Variants in RSU1 observed in about 807,000 individuals in gnomAD.
RSU1 encodes the protein rsu-1.
A neutral mutation model predicts 31.1 loss-of-function variants in RSU1; 26 were observed. The ratio of observed to expected loss-of-function variants is 0.84; its 90% confidence interval spans 0.61 to 1.16. The LOEUF is 1.16. RSU1 is among the 50% of genes most tolerant of loss of function. The probability of loss-of-function intolerance (pLI) is 0.00; values close to 1 mark genes in which losing one functional copy is unlikely to be tolerated. For synonymous variants in RSU1, 164 were observed against 136.3 expected (o/e 1.20, Z -1.41); for missense variants, 320 against 339.1 (o/e 0.94, Z 0.44).
At chr10:16,747,846 A>G (rs71493267) in intron 7 of RSU1, among the ~76,000 whole-genome samples, 1,566 of 152,186 alleles carry the variant, frequency 0.01, 15 homozygotes, top group South Asian at 0.023. Context: ...TAGCCTGGGC[A>G]ATACAGCAAC....
At position 16,817,001 on chromosome 10, in the gene RSU1, G is replaced by A; in HGVS notation, c.81C>T (p.Ile27=). Residue 27 remains isoleucine, a synonymous_variant, in exon 2 of 9, where the codon ATC becomes ATT. Coordinates refer to ENST00000345264, the MANE Select transcript of RSU1 (RefSeq NM_012425.4). ...GGCCGTTGACATCCAGCATGTTGGA[G>A]ATGCCCCGGTCACTCATGTCCACCT... The part of the protein sequence containing the change: ...QPEVDMSDRG[I]SNMLDVNGLF... The A allele has an allele frequency of 1.9e-6, 3 of 1,613,980 alleles. No individual in the cohort carries two copies. Among genetic ancestry groups the A allele is most frequent in the Non-Finnish European group, 1.7e-6 (2 of 1,179,800 alleles).
At chr10:16,754,157 C>G (rs190884631) in intron 5 of RSU1, among the ~76,000 whole-genome samples, 5 of 152,296 alleles carry the variant, frequency 3.3e-5, no homozygotes, top group Non-Finnish European at 7.4e-5. Flanking sequence ...TTTTAGAGAT[C>G]AGCTCTGAAA....
intron 8 of RSU1, among the ~76,000 whole-genome samples, chr10:16,613,763 G>T (rs1322431574): frequency 6.7e-6 from 1 of 150,236 alleles, no homozygotes; most frequent in East Asian, 1.9e-4. Flanking sequence ...GAGAAAAGCT[G>T]AGAAGAAACT....
At chr10:16,793,694 C>A (rs1424046502) in intron 2 of RSU1, among the ~76,000 whole-genome samples, 1 of 152,094 alleles carries the variant, frequency 6.6e-6, no homozygotes, top group Non-Finnish European at 1.5e-5. Flanking sequence ...AGCTACTCTG[C>A]AAGCCACTGT....
intron 2 of RSU1, among the ~76,000 whole-genome samples, chr10:16,782,946 T>C (rs1355881711): frequency 6.6e-6 from 1 of 151,696 alleles, no homozygotes; most frequent in Non-Finnish European, 1.5e-5. Context: ...GGTCTCAATC[T>C]GTTGCCCAGG....
At chr10:16,793,393 CA>C (rs1299935612) in intron 2 of RSU1, among the ~76,000 whole-genome samples, 2 of 152,094 alleles carry the variant, frequency 1.3e-5, no homozygotes, top group Non-Finnish European at 2.9e-5. Context: ...TGTTTCTACA[CA>C]TAATAGCAGC....
At chr10:16,650,594 T>G (rs1416190094) in intron 8 of RSU1, among the ~76,000 whole-genome samples, 2 of 149,840 alleles carry the variant, frequency 1.3e-5, no homozygotes, top group African/African-American at 2.5e-5. Flanking sequence ...TTTTTTTTTT[T>G]TGTGAGACAG....
intron 7 of RSU1, among the ~76,000 whole-genome samples, chr10:16,738,847 T>G (rs1836690808): frequency 6.6e-6 from 1 of 151,156 alleles, no homozygotes; most frequent in East Asian, 2.0e-4. Flanking sequence ...GTCCTAATGC[T>G]CTCCCTCTCC....
At chr10:16,617,330 A>G (rs1427763931) in intron 8 of RSU1, among the ~76,000 whole-genome samples, 1 of 152,212 alleles carries the variant, frequency 6.6e-6, no homozygotes, top group Non-Finnish European at 1.5e-5. Flanking sequence ...TCAAGAAAAT[A>G]AGAGAGGACA....
chr10:16,714,353 A>G (rs1041237760), intron 7 of RSU1, among the ~76,000 whole-genome samples: 1 of 152,210 alleles, frequency 6.6e-6, no homozygotes, highest in Non-Finnish European at 1.5e-5. Context: ...GGGGTTGGGC[A>G]GCCTTGCAGT....
chr10:16,708,983 T>C (rs1035444583), intron 7 of RSU1, among the ~76,000 whole-genome samples: 2 of 152,052 alleles, frequency 1.3e-5, no homozygotes, highest in Non-Finnish European at 2.9e-5. Context: ...ACCAGTTCTT[T>C]AGTAGAGTCC....
At chr10:16,785,995 A>G (rs948855075) in intron 2 of RSU1, among the ~76,000 whole-genome samples, 1 of 152,146 alleles carries the variant, frequency 6.6e-6, no homozygotes, top group African/African-American at 2.4e-5. Flanking sequence ...ATATCTGACA[A>G]TGTCTGGAGA....
chr10:16,614,453 G>C (rs997443497), intron 8 of RSU1, among the ~76,000 whole-genome samples: 1 of 151,802 alleles, frequency 6.6e-6, no homozygotes, highest in Admixed American at 6.6e-5. Flanking sequence ...AGGCACTATA[G>C]TCCCCCCACC....
intron 8 of RSU1, among the ~76,000 whole-genome samples, chr10:16,651,221 G>C (rs1392448006): frequency 2.6e-5 from 4 of 152,130 alleles, no homozygotes; most frequent in Non-Finnish European, 4.4e-5. Flanking sequence ...ATACAGGATT[G>C]AATCAATGAT....
chr10:16,637,743 T>C (rs543057890), intron 8 of RSU1, among the ~76,000 whole-genome samples: 24 of 151,868 alleles, frequency 1.6e-4, no homozygotes, highest in African/African-American at 5.8e-4. Flanking sequence ...TAAACATGAC[T>C]AGTAAAGCCA....
intron 8 of RSU1, among the ~76,000 whole-genome samples, chr10:16,597,612 C>T (rs1833639512): frequency 1.3e-5 from 2 of 152,158 alleles, no homozygotes; most frequent in African/African-American, 4.8e-5. Context: ...TGGAAGCAGT[C>T]AGCGAATGCT....
At chr10:16,763,662 C>A (rs1435452472) in intron 4 of RSU1, among the ~76,000 whole-genome samples, 1 of 152,144 alleles carries the variant, frequency 6.6e-6, no homozygotes, top group Non-Finnish European at 1.5e-5. Flanking sequence ...GACCCAGAAC[C>A]ATCTTCCCAG....
intron 8 of RSU1, among the ~76,000 whole-genome samples, chr10:16,646,980 CTT>C (rs1007212635): frequency 2.8e-5 from 4 of 144,058 alleles, no homozygotes; most frequent in Admixed American, 1.4e-4. Context: ...GGTACTGCAA[CTT>C]TTTTTTTTTT....
chr10:16,785,513 T>TATATATATATATATACACACATATATAC (rs1564357401), intron 2 of RSU1, among the ~76,000 whole-genome samples: 4 of 121,836 alleles, frequency 3.3e-5, no homozygotes, highest in African/African-American at 1.4e-4. Context: ...CATATATACA[T>TATATATATATATATACACACATATATAC]ATATATATAT....
Sources: gnomAD v4.1 joint callset for allele counts (sites outside exome capture counted in the v4.1 genomes callset) on GRCh38, gnomAD v4.1.1 for gene constraint, MANE v1.5 for transcripts, NCBI Gene and HGNC (gene_info 2026-07-23, HGNC 2026-07-21) for gene names.